Variants in LSAMP observed in about 807,000 individuals in gnomAD.
The protein encoded by LSAMP is limbic system-associated membrane protein.
A neutral mutation model predicts 38.6 loss-of-function variants in LSAMP; 7 were observed. That is an observed-to-expected ratio of 0.18 (90% confidence interval 0.10 to 0.34). The LOEUF (loss-of-function observed/expected upper bound fraction) is 0.34. Among genes scored for constraint, LSAMP ranks in the 10% least tolerant of loss-of-function variants. The pLI is 1.00. For synonymous variants in LSAMP, 154 were observed against 166.8 expected (o/e 0.92, Z 0.59); for missense variants, 313 against 420.0 (o/e 0.75, Z 2.23).
intron 3 of LSAMP, among the ~76,000 whole-genome samples, chr3:115,874,396 T>TTTGTC (rs1217038663): frequency 1.3e-5 from 2 of 152,100 alleles, no homozygotes; most frequent in East Asian, 3.9e-4. Flanking sequence ...CTTGTTTTGT[T>TTTGTC]TTGTCTCTAT....
At chr3:116,291,038 C>T (rs1437390665) in intron 1 of LSAMP, among the ~76,000 whole-genome samples, 2 of 152,102 alleles carry the variant, frequency 1.3e-5, no homozygotes, top group African/African-American at 4.8e-5. Flanking sequence ...TTAATCTTCG[C>T]AATGGTTGCA....
chr3:115,927,728 G>A (rs891378857), intron 3 of LSAMP, among the ~76,000 whole-genome samples: 2 of 151,980 alleles, frequency 1.3e-5, no homozygotes, highest in African/African-American at 2.4e-5. Context: ...CAGGCTGTAC[G>A]TGCTGCCAGG....
chr3:116,033,226 C>T (rs1405966155), intron 2 of LSAMP, among the ~76,000 whole-genome samples: 1 of 152,106 alleles, frequency 6.6e-6, no homozygotes, highest in Non-Finnish European at 1.5e-5. Flanking sequence ...CTCCTCTCTC[C>T]CTTCTCTTTT....
At chr3:116,402,937 C>T (rs1221573642) in intron 1 of LSAMP, among the ~76,000 whole-genome samples, 1 of 152,090 alleles carries the variant, frequency 6.6e-6, no homozygotes, top group Non-Finnish European at 1.5e-5. Context: ...GAATGCTCCT[C>T]TGGAATCCAC....
intron 1 of LSAMP, among the ~76,000 whole-genome samples, chr3:116,244,884 T>C (rs956190338): frequency 1.3e-5 from 2 of 152,226 alleles, no homozygotes; most frequent in African/African-American, 4.8e-5. Flanking sequence ...TAGTTGCTCT[T>C]GTTAGCATTG....
At chr3:116,424,672 C>T (rs899281262) in intron 1 of LSAMP, among the ~76,000 whole-genome samples, 3 of 152,160 alleles carry the variant, frequency 2.0e-5, no homozygotes, top group Admixed American at 6.5e-5. Flanking sequence ...TACCACATTA[C>T]TTACCCAATA....
chr3:116,020,362 C>A (rs1259401291), intron 2 of LSAMP, among the ~76,000 whole-genome samples: 1 of 152,006 alleles, frequency 6.6e-6, no homozygotes, highest in East Asian at 1.9e-4. Flanking sequence ...TACCTAAAAC[C>A]CAACATAGAG....
intron 4 of LSAMP, among the ~76,000 whole-genome samples, chr3:115,848,572 C>G (rs1275618370): frequency 6.6e-6 from 1 of 152,182 alleles, no homozygotes; most frequent in Non-Finnish European, 1.5e-5. Context: ...CTGTGGCAAC[C>G]TCTGCTTCCT....
intron 1 of LSAMP, among the ~76,000 whole-genome samples, chr3:116,409,882 AAG>A (rs1322705050): frequency 6.6e-6 from 1 of 152,072 alleles, no homozygotes; most frequent in Non-Finnish European, 1.5e-5. Context: ...CTGAAGGAAA[AAG>A]AGAATTATTG....
chr3:116,382,862 T>C, intron 1 of LSAMP, among the ~76,000 whole-genome samples: 1 of 152,150 alleles, frequency 6.6e-6, no homozygotes. Flanking sequence ...CCTTACGATG[T>C]TGGGTTGCAT....
At chr3:116,086,259 T>A in intron 2 of LSAMP, 65 bp downstream of exon 2, 1 of 1,207,062 alleles carries the variant, frequency 8.3e-7, no homozygotes, top group Non-Finnish European at 1.2e-6. Flanking sequence ...GCAAATATTT[T>A]GTACATTATT....
chr3:116,092,172 C>A (rs1708139070), intron 1 of LSAMP, among the ~76,000 whole-genome samples: 1 of 151,778 alleles, frequency 6.6e-6, no homozygotes, highest in Admixed American at 6.6e-5. Flanking sequence ...TGCATTAGGT[C>A]AATTATAAAA....
chr3:116,345,610 T>C lies in LSAMP; in HGVS notation c.155+99267A>G, dbSNP rs962599049. On this transcript the variant is annotated intron_variant, in intron 1 of 6. Coordinates refer to ENST00000490035, the MANE Select transcript of LSAMP (RefSeq NM_002338.5). ...TTCATAATTTCATTGATTTTTAAAA[T>C]TTTATTTTTTAGATATTTATTTTTC... is the stretch of plus-strand genomic sequence containing the variant. Among the ~76,000 whole-genome samples the C allele has an allele frequency of 2.6e-5, 4 of 152,050 alleles. 1 individual carries two copies. Among genetic ancestry groups the C allele is most frequent in the Non-Finnish European group, 4.4e-5 (3 of 68,022 alleles).
chr3:115,846,682 C>T (rs1935170900), intron 4 of LSAMP, among the ~76,000 whole-genome samples: 1 of 152,170 alleles, frequency 6.6e-6, no homozygotes, highest in Non-Finnish European at 1.5e-5. Flanking sequence ...TGCTCTGAAA[C>T]TCATGCTCTG....
chr3:116,202,699 C>T (rs967040995), intron 1 of LSAMP, among the ~76,000 whole-genome samples: 1 of 152,182 alleles, frequency 6.6e-6, no homozygotes, highest in African/African-American at 2.4e-5. Flanking sequence ...GCTGGGATTA[C>T]AAGTGTGAGC....
chr3:116,120,049 T>C (rs1440788943), intron 1 of LSAMP, among the ~76,000 whole-genome samples: 1 of 152,178 alleles, frequency 6.6e-6, no homozygotes, highest in Non-Finnish European at 1.5e-5. Context: ...TAAAATTTTA[T>C]AAGGCAGCCA....
At chr3:116,061,184 T>C (rs1941588076) in intron 2 of LSAMP, among the ~76,000 whole-genome samples, 1 of 152,082 alleles carries the variant, frequency 6.6e-6, no homozygotes, top group Non-Finnish European at 1.5e-5. Flanking sequence ...AAACAGAAGC[T>C]TTTCTGTATC....
intron 1 of LSAMP, among the ~76,000 whole-genome samples, chr3:116,220,185 AAC>A (rs3974285): frequency 0.19 from 26,144 of 141,312 alleles, 2,679 homozygotes; most frequent in African/African-American, 0.31. Flanking sequence ...TCCATCTCAA[AAC>A]ACACACACAC....
intron 1 of LSAMP, among the ~76,000 whole-genome samples, chr3:116,332,547 T>C (rs762758640): frequency 6.6e-6 from 1 of 152,034 alleles, no homozygotes; most frequent in African/African-American, 2.4e-5. Context: ...ATGAACTAAA[T>C]GCAAAAGGAG....
Sources: allele counts gnomAD v4.1 joint callset (sites outside exome capture counted in the v4.1 genomes callset), GRCh38; gene constraint gnomAD v4.1.1; transcripts MANE v1.5; gene names NCBI Gene and HGNC (gene_info 2026-07-23, HGNC 2026-07-21).